Variants in CELA1 observed in about 807,000 individuals in gnomAD.
The protein encoded by CELA1 is chymotrypsin like elastase 1, also known as chymotrypsin-like elastase family member 1.
A neutral mutation model predicts 34.8 loss-of-function variants in CELA1; 28 were observed. That is an observed-to-expected ratio of 0.80 (90% CI 0.60 to 1.10). The LOEUF is 1.10. Among genes scored for constraint, CELA1 ranks in the 50% least tolerant of loss-of-function variants. The pLI is 0.00. For synonymous variants in CELA1, 140 were observed against 129.8 expected (o/e 1.08, Z -0.53); for missense variants, 288 against 327.5 (o/e 0.88, Z 0.93).
intron 2 of CELA1, among the ~76,000 whole-genome samples, chr12:51,345,394 G>A (rs774379911): frequency 6.8e-6 from 1 of 146,656 alleles, no homozygotes; most frequent in Non-Finnish European, 1.5e-5. Flanking sequence ...CATGCTGTAC[G>A]TGTGTGTGTG....
chr12:51,333,915 A>C (rs1946486325), intron 6 of CELA1, among the ~76,000 whole-genome samples: 1 of 152,242 alleles, frequency 6.6e-6, no homozygotes. Flanking sequence ...ACCAAGCCTC[A>C]GGAGAGAGGG....
intron 4 of CELA1, 71 bp downstream of exon 4, chr12:51,342,504 G>A: frequency 1.2e-5 from 20 of 1,607,232 alleles, no homozygotes; most frequent in Non-Finnish European, 1.5e-5. Flanking sequence ...GAAAGAACAG[G>A]TGAAGGCAGC....
At chr12:51,343,446 T>G (rs1349269123) in intron 3 of CELA1, among the ~76,000 whole-genome samples, 1 of 152,190 alleles carries the variant, frequency 6.6e-6, no homozygotes, top group Non-Finnish European at 1.5e-5. Flanking sequence ...ACTTACATAT[T>G]TACTCAATCC....
At chr12:51,331,726 G>C (rs756147155) in intron 6 of CELA1, among the ~76,000 whole-genome samples, 1 of 152,178 alleles carries the variant, frequency 6.6e-6, no homozygotes, top group Admixed American at 6.6e-5. Flanking sequence ...CCCTCACAAC[G>C]AATGCAAATA....
chr12:51,343,865 G>A lies in CELA1; in HGVS notation c.100-12C>T, dbSNP rs1330715898. 2 of 1,465,776 alleles carry A rather than the reference G, an allele frequency of 1.4e-6. No individual in the cohort carries two copies. The highest frequency in any genetic ancestry group is 1.9e-6 in the Non-Finnish European group (2 of 1,050,264). 90.8% of individuals were successfully genotyped at this position (1,465,776 alleles called of 1,614,324 possible). A position where few individuals can be genotyped will look rare whatever the true frequency, so the allele number is the denominator to read the frequency against. On this transcript the variant is annotated splice_polypyrimidine_tract_variant and intron_variant, in intron 2 of 7. Transcript: ENST00000293636. ...TACTGGAGGGAAATCTAGATGGGGA[G>A]GAAAGAAAGAAGGGATAGGTTGGTG...
At chr12:51,344,041 A>G (rs1434940343) in intron 2 of CELA1, among the ~76,000 whole-genome samples, 188 bp from the exon 3 acceptor site, 1 of 152,256 alleles carries the variant, frequency 6.6e-6, no homozygotes, top group Non-Finnish European at 1.5e-5. Context: ...CAACGTCAAA[A>G]ATAATTAAAT....
intron 3 of CELA1, 32 bp downstream of exon 3, chr12:51,343,714 TTCCAGGG>T (rs780149301): frequency 7.7e-7 from 1 of 1,298,814 alleles, no homozygotes; most frequent in Non-Finnish European, 1.1e-6. Context: ...CCCCTTCCCC[TTCCAGGG>T]GCCCAGGAAA....
At chr12:51,328,644 T>C (rs1180925597) in intron 7 of CELA1, 50 bp from the exon 8 acceptor site, 1 of 1,607,134 alleles carries the variant, frequency 6.2e-7, no homozygotes, top group East Asian at 2.2e-5. Context: ...GCCTACCTCC[T>C]TTCTTGTTTC....
chr12:51,339,743 G>A lies in CELA1; in HGVS notation c.609+117C>T, dbSNP rs997376184. 1.5e-5 allele frequency: 15 copies of A among 981,538 alleles called. No homozygotes were observed. In the Admixed American group the frequency reaches 3.4e-4, roughly 22 times the overall value. 60.8% of individuals were successfully genotyped at this position (981,538 alleles called of 1,614,324 possible). A position where few individuals can be genotyped will look rare whatever the true frequency, so the allele number is the denominator to read the frequency against. On this transcript the variant is annotated intron_variant, in intron 6 of 7. Transcript: ENST00000293636. ...TCATTCTCACTTAGACGCCAGAGTA[G>A]AAAATTGAGTCTGTGTAGGACTAAG...
chr12:51,331,189 A>G (rs564490301), intron 6 of CELA1, among the ~76,000 whole-genome samples: 15 of 151,894 alleles, frequency 9.9e-5, no homozygotes, highest in Admixed American at 6.6e-4. Context: ...CAGGAGTTCA[A>G]GACTAGGCCA....
chr12:51,329,954 C>T lies in CELA1; in HGVS notation c.610-121G>A, dbSNP rs17860359. ...GTTTTAAAGCTCCAATGCAAATCTC[C>T]ACCTCCTTCATGTCCCCACAATCAA... On this transcript the variant is annotated intron_variant, in intron 6 of 7. Transcript: ENST00000293636. 847 of 797,934 alleles carry T rather than the reference C, an allele frequency of 1.1e-3. 5 individuals carry two copies. In the African/African-American group the frequency reaches 0.013, roughly 12 times the overall value. The allele number at this position is 797,934 out of a possible 1,614,324, so 49.4% of individuals were successfully genotyped here.
chr12:51,329,313 T>C (rs1946454152), intron 7 of CELA1, among the ~76,000 whole-genome samples: 1 of 151,566 alleles, frequency 6.6e-6, no homozygotes, highest in African/African-American at 2.4e-5. Context: ...AAAGACGTTG[T>C]GGGAGAGGAA....
At chr12:51,337,436 C>CT (rs1392657058) in intron 6 of CELA1, among the ~76,000 whole-genome samples, 2 of 143,430 alleles carry the variant, frequency 1.4e-5, no homozygotes, top group Non-Finnish European at 3.0e-5. Flanking sequence ...ACTTGGGAGG[C>CT]TGAGGTGGGA....
rs17860286 is a variant in CELA1 at position 51,346,203 on chromosome 12, C to G, written c.17-326G>C. ...CCTTTGGCCTGAAGAGACCCCCCCCCACTCTTTGACCCCCACCAGCCCCCT... is the reference window on the plus strand; with the variant it reads ...CCTTTGGCCTGAAGAGACCCCCCCCGACTCTTTGACCCCCACCAGCCCCCT... On this transcript the variant is annotated intron_variant, in intron 1 of 7. Transcript: ENST00000293636. 1.3e-4 allele frequency among the ~76,000 whole-genome samples: 20 copies of G among 149,228 alleles called. No homozygotes were observed. The South Asian group carries it at 1.8e-3, about 13-fold the overall frequency.
At position 51,342,600 on chromosome 12, in the gene CELA1, A is replaced by G. The variant is rs1946543098; in HGVS notation, c.301T>C (p.Trp101Arg). ...CCGGCAGCCACGTTATCGCTGTTCC[A>G]GTATGGATGCACCACGATCTTCTGC... ...SVQKIVVHPY[W>R]NSDNVAAGYD... The change falls in exon 4 of 8, where the codon TGG becomes CGG. Residue 101 changes from tryptophan (W) to arginine (R), a missense_variant. Trp to Arg is a moderately radical substitution (Grantham distance 101). Coordinates refer to ENST00000293636, the MANE Select transcript of CELA1 (RefSeq NM_001971.6). 1.9e-6 allele frequency: 3 copies of G among 1,614,120 alleles called. No homozygotes were observed. Among genetic ancestry groups the G allele is most frequent in the Non-Finnish European group, 2.5e-6 (3 of 1,180,012 alleles).
Position 51,345,842 on chromosome 12 carries a change from G to C in CELA1, c.52C>G (p.Arg18Gly). The change falls in exon 2 of 8, where the codon CGC becomes GGC. Residue 18 changes from arginine (R) to glycine (G), a missense_variant. Arg to Gly is a moderately radical substitution (Grantham distance 125). Coordinates refer to ENST00000293636, the MANE Select transcript of CELA1 (RefSeq NM_001971.6). ...CCGGCCTCAGTCCCTCCGACTACGCGGGCATTGGTTTCCGGAAGGTCCTGG... is the reference window on the plus strand; with the variant it reads ...CCGGCCTCAGTCCCTCCGACTACGCCGGCATTGGTTTCCGGAAGGTCCTGG... ...STQDLPETNARVVGGTEAGRN... is the reference protein window; with the variant it reads ...STQDLPETNAGVVGGTEAGRN... The C allele has an allele frequency of 6.4e-7, 1 of 1,560,122 alleles. No individual in the cohort carries two copies. The highest frequency in any genetic ancestry group is 8.7e-7 in the Non-Finnish European group (1 of 1,151,252).
chr12:51,332,015 C>T (rs886684641), intron 6 of CELA1, among the ~76,000 whole-genome samples: 1 of 151,686 alleles, frequency 6.6e-6, no homozygotes, highest in Non-Finnish European at 1.5e-5. Context: ...AGACCCCCAT[C>T]TCTATTAAAA....
At position 51,341,273 on chromosome 12, in the gene CELA1, C is replaced by T. The variant is rs918721251; in HGVS notation, c.434G>A (p.Cys145Tyr). The change falls in exon 5 of 8, where the codon TGC (cysteine) becomes TAC (tyrosine). Residue 145 changes from cysteine (C) to tyrosine (Y), a missense_variant. By Grantham distance (194) the Cys-to-Tyr change is radical. Transcript: ENST00000293636. Reference sequence around the variant, plus strand: ...GGTCTTGCCCCAGCCTGTGATGTAGCAGGGACTGTTGTTAGCCAGGATGGC... The same window carrying T: ...GGTCTTGCCCCAGCCTGTGATGTAGTAGGGACTGTTGTTAGCCAGGATGGC... The part of the protein sequence containing the change: ...EGAILANNSP[C>Y]YITGWGKTKT... The T allele has an allele frequency of 2.5e-6, 4 of 1,614,180 alleles. No individual in the cohort carries two copies. Among genetic ancestry groups the T allele is most frequent in the Non-Finnish European group, 3.4e-6 (4 of 1,180,038 alleles).
At chr12:51,342,493 T>C in intron 4 of CELA1, 82 bp downstream of exon 4, 2 of 1,597,982 alleles carry the variant, frequency 1.3e-6, no homozygotes, top group Non-Finnish European at 1.7e-6. Flanking sequence ...TCTAGCCCTC[T>C]GAAAGAACAG....
Sources: gnomAD v4.1 joint callset for allele counts (sites outside exome capture counted in the v4.1 genomes callset) on GRCh38, gnomAD v4.1.1 for gene constraint, MANE v1.5 for transcripts, NCBI Gene and HGNC (gene_info 2026-07-23, HGNC 2026-07-21) for gene names.